PCDHGA6: variants seen among roughly 807,000 people sequenced by gnomAD.
PCDHGA6 encodes protocadherin gamma subfamily A, 6, also known as protocadherin gamma-A6.
PCDHGA6 carries 41 observed loss-of-function variants against 60.6 expected under a neutral mutation model. That is an observed-to-expected ratio of 0.68 (90% CI 0.53 to 0.88). The LOEUF (loss-of-function observed/expected upper bound fraction) is 0.88, where lower values mean the gene tolerates loss of function less well. PCDHGA6 is among the 40% of genes least tolerant of loss of function. The pLI is 0.00. For missense variants in PCDHGA6, 1,312 were observed against 1,203.0 expected, an observed-to-expected ratio of 1.09 and a Z score of -1.34; for synonymous variants, 594 against 524.4, an observed-to-expected ratio of 1.13 and a Z score of -1.81.
intron 1 of PCDHGA6, chr5:141,421,422 C>T (rs908483513): frequency 6.2e-7 from 1 of 1,614,086 alleles, no homozygotes; most frequent in Non-Finnish European, 8.5e-7. Flanking sequence ...AGCGCGGAGT[C>T]CGCATCGTCT....
chr5:141,491,507 C>A lies in PCDHGA6; in HGVS notation c.2425-3300C>A, dbSNP rs755899622. 1.9e-6 allele frequency: 3 copies of A among 1,614,038 alleles called. No individual in the cohort carries two copies. The highest frequency in any genetic ancestry group is 1.6e-4 in the Middle Eastern group (1 of 6,062). Reference sequence around the variant, plus strand: ...AACCTGCAGGTGAGCTCGGACGGCACGCTCAAGTACATGGAGGTGACGCTG... The same window carrying A: ...AACCTGCAGGTGAGCTCGGACGGCAAGCTCAAGTACATGGAGGTGACGCTG... On this transcript the variant is annotated intron_variant, in intron 1 of 3. Transcript: ENST00000517434. The surrounding 1 kb of genome is among the most constrained non-coding windows in gnomAD (Gnocchi z 6.9).
intron 1 of PCDHGA6, chr5:141,419,070 T>G: frequency 6.2e-7 from 1 of 1,613,926 alleles, no homozygotes; most frequent in Non-Finnish European, 8.5e-7. Context: ...TACTACAAGC[T>G]AGTAACAGAT....
At chr5:141,394,840 G>A in intron 1 of PCDHGA6, 3 of 1,613,834 alleles carry the variant, frequency 1.9e-6, no homozygotes, top group Non-Finnish European at 2.5e-6. Context: ...ACCGAGTTGG[G>A]CAGTCTGAAG....
At chr5:141,475,090 A>G (rs991061660) in intron 1 of PCDHGA6, among the ~76,000 whole-genome samples, 1 of 152,264 alleles carries the variant, frequency 6.6e-6, no homozygotes, top group African/African-American at 2.4e-5. Flanking sequence ...CAATAATTTT[A>G]TAAAGATCCT....
At chr5:141,396,682 C>T (rs1387269894) in intron 1 of PCDHGA6, 1 of 151,688 alleles carries the variant, frequency 6.6e-6, no homozygotes, top group Non-Finnish European at 1.5e-5. Context: ...TATTGTATTC[C>T]TGCATACCTT....
In PCDHGA6 at chr5:141,432,845, G is replaced by A. The variant is rs1299464282; in HGVS notation, c.2424+56338G>A. The A allele has an allele frequency of 1.2e-6, 2 of 1,614,076 alleles. No individual in the cohort carries two copies. The highest frequency in any genetic ancestry group is 8.5e-7 in the Non-Finnish European group (1 of 1,180,024). ...AGACCTCACTCTGTACCTGGTGGTA[G>A]CGGTGGCCGCGGTCTCCTGCGTCTT... On this transcript the variant is annotated intron_variant, in intron 1 of 3. Coordinates refer to ENST00000517434, the MANE Select transcript of PCDHGA6 (RefSeq NM_018919.3). This position sits in a 1 kb window ranked among gnomAD's most constrained non-coding sequence, Gnocchi z 6.0.
intron 1 of PCDHGA6, chr5:141,417,708 G>C (rs1028054307): frequency 1.2e-4 from 152 of 1,227,878 alleles, no homozygotes; most frequent in East Asian, 4.9e-4. Context: ...CCACACAGAG[G>C]CTCCCGGCTG....
chr5:141,482,404 A>C (rs1262544355), intron 1 of PCDHGA6, among the ~76,000 whole-genome samples: 1 of 152,076 alleles, frequency 6.6e-6, no homozygotes, highest in Non-Finnish European at 1.5e-5. Flanking sequence ...GTACTCAATA[A>C]CTATTTGTTG....
At chr5:141,421,651 A>C in intron 1 of PCDHGA6, 1 of 1,613,868 alleles carries the variant, frequency 6.2e-7, no homozygotes, top group Non-Finnish European at 8.5e-7. Flanking sequence ...AGTGGAGATA[A>C]AAGTCAGTGA....
At chr5:141,381,826 C>CTTTTTTTTTTTTTTTTTTTTTTTTTTT (rs770630741) in intron 1 of PCDHGA6, among the ~76,000 whole-genome samples, 2 of 74,278 alleles carry the variant, frequency 2.7e-5, no homozygotes, top group African/African-American at 6.2e-5. Flanking sequence ...CTTTCTTCTT[C>CTTTTTTTTTTTTTTTTTTTTTTTTTTT]TTTTTTTTTT....
intron 1 of PCDHGA6, among the ~76,000 whole-genome samples, chr5:141,483,658 G>C (rs906346163): frequency 1.4e-4 from 22 of 152,028 alleles, no homozygotes; most frequent in Non-Finnish European, 2.4e-4. Context: ...TTGTGTGTGT[G>C]TGTGTGTGTG....
rs1313060581 is a variant in PCDHGA6, at chr5:141,375,163, A to C, written c.1080A>C (p.Ala360=). The C allele has an allele frequency of 1.2e-6, 2 of 1,613,774 alleles. No homozygotes were observed. Among genetic ancestry groups the C allele is most frequent in the South Asian group, 2.2e-5 (2 of 91,072 alleles). The change falls in exon 1 of 4, where the codon GCA becomes GCC. Residue 360 remains alanine, a synonymous_variant. Coordinates refer to ENST00000517434, the MANE Select transcript of PCDHGA6 (RefSeq NM_018919.3). ...GAAGCAGAACAATTGCTGAAAGTGC[A>C]CCTCCAGGAACAGTAATCGCCCTTT... ...TSGSRTIAES[A]PPGTVIALFQ... is the part of the protein sequence containing the mutation.
intron 1 of PCDHGA6, chr5:141,422,519 C>T (rs1297821851): frequency 6.2e-7 from 1 of 1,613,968 alleles, no homozygotes; most frequent in African/African-American, 1.3e-5. Context: ...CAGGGAAGCC[C>T]GCCTTTGTCT....
chr5:141,502,866 CTT>C (rs549047197), intron 2 of PCDHGA6, among the ~76,000 whole-genome samples: 3 of 127,996 alleles, frequency 2.3e-5, no homozygotes, highest in Admixed American at 8.6e-5. Flanking sequence ...GACTCTCTGT[CTT>C]TTTTTTTTTT....
rs1364068033 is a variant in PCDHGA6 at position 141,490,353 on chromosome 5, G to A, written c.2425-4454G>A. 3.1e-6 allele frequency: 5 copies of A among 1,614,090 alleles called. No individual in the cohort carries two copies. The highest frequency in any genetic ancestry group is 4.2e-6 in the Non-Finnish European group (5 of 1,180,046). On this transcript the variant is annotated intron_variant, in intron 1 of 3. Transcript: ENST00000517434. This position sits in a 1 kb window ranked among gnomAD's most constrained non-coding sequence, Gnocchi z 5.4. ...CACCAGTGGGCACAGTAGTGGGGTT[G>A]TTTAATGTGCGAGACCGGGACTCAG...
chr5:141,479,269 A>C (rs1279389471), intron 1 of PCDHGA6: 1 of 152,374 alleles, frequency 6.6e-6, no homozygotes, highest in Non-Finnish European at 1.5e-5. Context: ...TAAAAGTAAT[A>C]ATTTATTTCA....
intron 1 of PCDHGA6, chr5:141,385,109 C>A: frequency 6.2e-7 from 1 of 1,614,174 alleles, no homozygotes; most frequent in South Asian, 1.1e-5. Flanking sequence ...AACGTGCCCA[C>A]CTCGCACTTT....
chr5:141,451,116 CCA>C (rs1257364243), intron 1 of PCDHGA6, among the ~76,000 whole-genome samples: 1 of 152,200 alleles, frequency 6.6e-6, no homozygotes, highest in Non-Finnish European at 1.5e-5. Context: ...GCGTGAGCCA[CCA>C]CACCCAGCCT....
chr5:141,507,735 C>T (rs942364858), intron 3 of PCDHGA6, among the ~76,000 whole-genome samples: 3 of 152,268 alleles, frequency 2.0e-5, no homozygotes, highest in Non-Finnish European at 2.9e-5. Flanking sequence ...TCATGCAGCT[C>T]GTTCCCCTGT....
Sources: gnomAD v4.1 joint callset for allele counts (sites outside exome capture counted in the v4.1 genomes callset) on GRCh38, gnomAD v4.1.1 for gene constraint, Gnocchi (gnomAD v3.1) non-coding constraint, MANE v1.5 for transcripts, NCBI Gene and HGNC (gene_info 2026-07-23, HGNC 2026-07-21) for gene names.